PAM: variants seen among roughly 807,000 people sequenced by gnomAD.
PAM encodes the protein peptidyl-glycine alpha-amidating monooxygenase.
Under a neutral mutation model 122.1 loss-of-function variants are expected in PAM, and 72 were observed. The observed-to-expected ratio is 0.59, with a 90% CI of 0.49 to 0.72. PAM has a LOEUF of 0.72. PAM is among the 30% of genes least tolerant of loss of function. The pLI, the probability that PAM is intolerant of heterozygous loss-of-function variation, is 0.00. For missense variants in PAM, 1,106 were observed against 1,183.7 expected (o/e 0.93, Z 0.96); for synonymous variants, 389 against 404.4 (o/e 0.96, Z 0.46).
chr5:102,834,125 A>G lies in PAM; in HGVS notation c.-373-31698A>G, dbSNP rs187486384. Among the ~76,000 whole-genome samples, 153 of 152,286 alleles carry G rather than the reference A, an allele frequency of 1.0e-3. 1 individual carries two copies. Among genetic ancestry groups the G allele is most frequent in the African/African-American group, 3.4e-3 (141 of 41,554 alleles). ...ATATGTTGGAACTTGCCTGAATTTA[A>G]TGCCAATTTACTGATATACTAGGCA... On this transcript the variant is annotated intron_variant, in intron 1 of 25. Transcript: ENST00000438793.
At chr5:102,757,120 G>T (rs566002586) in intron 1 of PAM, among the ~76,000 whole-genome samples, 2 of 152,286 alleles carry the variant, frequency 1.3e-5, no homozygotes, top group African/African-American at 4.8e-5. Flanking sequence ...AAGGTCAGAA[G>T]TTCCGTACCA....
chr5:102,915,751 G>A (rs1249878752), intron 5 of PAM, among the ~76,000 whole-genome samples: 1 of 152,108 alleles, frequency 6.6e-6, no homozygotes, highest in East Asian at 1.9e-4. Context: ...GAATGAGTGA[G>A]AAAATAACAC....
intron 5 of PAM, among the ~76,000 whole-genome samples, chr5:102,917,644 G>A (rs1745894042): frequency 6.6e-6 from 1 of 152,132 alleles, no homozygotes; most frequent in Non-Finnish European, 1.5e-5. Flanking sequence ...TTCATTGCGA[G>A]CAGGTTGGCA....
chr5:102,914,511 T>C (rs1024028804), intron 5 of PAM, among the ~76,000 whole-genome samples: 1 of 152,102 alleles, frequency 6.6e-6, no homozygotes, highest in African/African-American at 2.4e-5. Flanking sequence ...TCTGAAAATA[T>C]AGATTATTGA....
intron 14 of PAM, among the ~76,000 whole-genome samples, chr5:102,969,409 G>A (rs1011685278): frequency 2.0e-5 from 3 of 152,100 alleles, no homozygotes; most frequent in South Asian, 2.1e-4. Flanking sequence ...CATCAGTTCC[G>A]TAGAGGTAGA....
chr5:102,927,648 C>T (rs114844572), intron 7 of PAM, among the ~76,000 whole-genome samples: 150 of 151,896 alleles, frequency 9.9e-4, no homozygotes, highest in Middle Eastern at 6.8e-3. Context: ...GCATTCAGAA[C>T]GAGGACAGTA....
intron 7 of PAM, among the ~76,000 whole-genome samples, chr5:102,938,378 A>G (rs1375336244): frequency 7.9e-5 from 12 of 152,204 alleles, no homozygotes; most frequent in Admixed American, 7.9e-4. Context: ...GAAGATATGT[A>G]AAGCACTACA....
chr5:102,931,087 C>G (rs1219480391), intron 7 of PAM, among the ~76,000 whole-genome samples: 2 of 152,032 alleles, frequency 1.3e-5, no homozygotes, highest in Non-Finnish European at 2.9e-5. Flanking sequence ...AATAAAGGTA[C>G]CTGGTTAAGT....
chr5:102,806,647 C>A (rs1300358151), intron 1 of PAM, among the ~76,000 whole-genome samples: 1 of 152,114 alleles, frequency 6.6e-6, no homozygotes, highest in East Asian at 1.9e-4. Flanking sequence ...TGCATTTTTG[C>A]TTCTCAAACT....
At chr5:102,891,618 C>A (rs1216462591) in intron 3 of PAM, among the ~76,000 whole-genome samples, 1 of 151,854 alleles carries the variant, frequency 6.6e-6, no homozygotes, top group African/African-American at 2.4e-5. Context: ...TTTCAGAAGG[C>A]ACAGTTTCTT....
intron 14 of PAM, among the ~76,000 whole-genome samples, chr5:102,961,870 C>T (rs1762600312): frequency 6.6e-6 from 1 of 151,872 alleles, no homozygotes; most frequent in Admixed American, 6.6e-5. Flanking sequence ...TGGCTTTTTG[C>T]CAGTTGTTTG....
At chr5:102,780,132 C>A (rs1758321583) in intron 1 of PAM, among the ~76,000 whole-genome samples, 1 of 151,948 alleles carries the variant, frequency 6.6e-6, no homozygotes, top group South Asian at 2.1e-4. Flanking sequence ...TCTTTGTCCA[C>A]TGTATCCACA....
intron 1 of PAM, among the ~76,000 whole-genome samples, chr5:102,847,679 G>A (rs1031766776): frequency 2.6e-5 from 4 of 152,052 alleles, no homozygotes; most frequent in Admixed American, 1.3e-4. Context: ...ATATCATTCC[G>A]CTCTCTAAAC....
chr5:102,779,478 TC>T (rs149834165), intron 1 of PAM, among the ~76,000 whole-genome samples: 2 of 151,522 alleles, frequency 1.3e-5, no homozygotes, highest in East Asian at 1.9e-4. Context: ...GATAAAGTAT[TC>T]CCCCCCTTAT....
At chr5:102,839,995 A>G (rs1030830631) in intron 1 of PAM, among the ~76,000 whole-genome samples, 2 of 152,198 alleles carry the variant, frequency 1.3e-5, no homozygotes, top group African/African-American at 4.8e-5. Context: ...CACTGCTTCT[A>G]TTAATCATTA....
chr5:102,825,789 A>G lies in PAM; in HGVS notation c.-373-40034A>G, dbSNP rs563632398. Among the ~76,000 whole-genome samples the G allele has an allele frequency of 1.9e-4, 29 of 152,316 alleles. No homozygotes were observed. The East Asian group carries it at 5.4e-3, about 28-fold the overall frequency. ...TTGAGCCCGGAAGTTAAAGGCTACA[A>G]GTGAGCTATGATTGTACCACTGCAC... is the stretch of plus-strand genomic sequence containing the variant. On this transcript the variant is annotated intron_variant, in intron 1 of 25. Coordinates refer to ENST00000438793, the MANE Select transcript of PAM (RefSeq NM_001177306.2).
intron 22 of PAM, among the ~76,000 whole-genome samples, chr5:103,018,761 G>A (rs138618758): frequency 5.9e-4 from 90 of 152,264 alleles, no homozygotes; most frequent in Admixed American, 1.2e-3. Context: ...CATGATTCCT[G>A]AACTCATTAA....
At chr5:102,876,454 C>T (rs1040275262) in intron 3 of PAM, among the ~76,000 whole-genome samples, 3 of 152,120 alleles carry the variant, frequency 2.0e-5, no homozygotes, top group East Asian at 1.9e-4. Flanking sequence ...ATTTAAAGCC[C>T]GAGACTATAT....
At chr5:102,877,413 A>G (rs1789591084) in intron 3 of PAM, among the ~76,000 whole-genome samples, 1 of 152,230 alleles carries the variant, frequency 6.6e-6, no homozygotes, top group Non-Finnish European at 1.5e-5. Flanking sequence ...GACTGCAATC[A>G]TAATTTTCTA....
Sources: allele counts gnomAD v4.1 joint callset (sites outside exome capture counted in the v4.1 genomes callset), GRCh38; gene constraint gnomAD v4.1.1; transcripts MANE v1.5; gene names NCBI Gene and HGNC (gene_info 2026-07-23, HGNC 2026-07-21).